Variants in GREP1 observed in about 807,000 individuals in gnomAD.
GREP1 encodes the protein glycine-rich extracellular protein 1.
intron 27 of GREP1, among the ~76,000 whole-genome samples, chr16:2,999,606 C>T (rs2072447932): frequency 6.6e-6 from 1 of 151,892 alleles, no homozygotes; most frequent in Non-Finnish European, 1.5e-5. Context: ...GCACGCACCA[C>T]CATACCTGGC....
At chr16:3,000,849 T>C (rs1231735663) in intron 33 of GREP1, 22 bp downstream of exon 27, 1 of 398,012 alleles carries the variant, frequency 2.5e-6, no homozygotes, top group Non-Finnish European at 4.4e-6. Flanking sequence ...CCTGGATGAG[T>C]GTGTTGGGGC....
At chr16:3,001,804 G>A (rs1276317453) in exon 35 of GREP1, 4 of 395,572 alleles carry the variant, frequency 1.0e-5, no homozygotes, top group Non-Finnish European at 1.8e-5. Flanking sequence ...AAACATCAAT[G>A]AGGCCATGTG....
intron 23 of GREP1, 99 bp from the exon 22 acceptor site, chr16:2,998,257 G>A: frequency 2.5e-6 from 1 of 398,466 alleles, no homozygotes; most frequent in Non-Finnish European, 4.4e-6. Context: ...CCTGCCAGGT[G>A]AAAAGACGGG....
chr16:2,992,730 G>T lies in GREP1; in HGVS notation c.323-75G>T. ...GCAGGGGTCACGCGAGACAGAAAGGGAGAGGGCAGGGCTCCAGGCCCCAGC... is the reference window on the plus strand; with the variant it reads ...GCAGGGGTCACGCGAGACAGAAAGGTAGAGGGCAGGGCTCCAGGCCCCAGC... On this transcript the variant is annotated intron_variant, in intron 8 of 34. Transcript: ENST00000573315. This position sits in a 1 kb window ranked among gnomAD's most constrained non-coding sequence, Gnocchi z 4.9. The T allele has an allele frequency of 2.5e-6, 1 of 398,974 alleles. No individual in the cohort carries two copies. Among genetic ancestry groups the T allele is most frequent in the South Asian group, 1.3e-4 (1 of 7,666 alleles). 24.7% of individuals were successfully genotyped at this position (398,974 alleles called of 1,614,324 possible). A position where few individuals can be genotyped will look rare whatever the true frequency, so the allele number is the denominator to read the frequency against.
At chr16:2,988,680 G>C in intron 2 of GREP1, 58 bp downstream of exon 2, 1 of 398,964 alleles carries the variant, frequency 2.5e-6, no homozygotes, top group Non-Finnish European at 4.4e-6. Flanking sequence ...CCTGCCCTGG[G>C]GGTGTGGGAG....
Position 2,989,154 on chromosome 16 carries a change from A to T in GREP1, c.101-369A>T. ...GAGAGGAGCCCAGTACTGAGAATGGATGGGAGAGGAGAGGAAGAGGGTGGA... is the reference window on the plus strand; with the variant it reads ...GAGAGGAGCCCAGTACTGAGAATGGTTGGGAGAGGAGAGGAAGAGGGTGGA... On this transcript the variant is annotated intron_variant, in intron 2 of 34. Transcript: ENST00000573315. The surrounding 1 kb of genome is among the most constrained non-coding windows in gnomAD (Gnocchi z 4.2). The T allele has an allele frequency of 3.4e-6, 1 of 290,104 alleles. No individual in the cohort carries two copies. The highest frequency in any genetic ancestry group is 5.2e-5 in the Admixed American group (1 of 19,168). The allele number at this position is 290,104 out of a possible 1,614,324, so 18.0% of individuals were successfully genotyped here. A position where few individuals can be genotyped will look rare whatever the true frequency, so the allele number is the denominator to read the frequency against.
At chr16:2,998,180 C>A (rs932722248) in intron 23 of GREP1, among the ~76,000 whole-genome samples, 176 bp from the exon 22 acceptor site, 1 of 152,062 alleles carries the variant, frequency 6.6e-6, no homozygotes, top group East Asian at 1.9e-4. Flanking sequence ...CAAGGTCCCC[C>A]ACTCCAACCC....
At chr16:2,996,213 G>A (rs541647758) in intron 18 of GREP1, among the ~76,000 whole-genome samples, 4 of 152,328 alleles carry the variant, frequency 2.6e-5, no homozygotes, top group East Asian at 3.9e-4. Flanking sequence ...GATGACAGGC[G>A]TGAGCCACCG....
chr16:2,990,656 G>A (rs1451357386), intron 7 of GREP1, 69 bp downstream of exon 6: 2 of 398,818 alleles, frequency 5.0e-6, no homozygotes, highest in Non-Finnish European at 8.8e-6. Flanking sequence ...CTGATACTGT[G>A]GGGGAGGGAA....
chr16:2,996,907 T>A (rs557615161), intron 20 of GREP1, 146 bp from the exon 20 acceptor site: 1 of 399,204 alleles, frequency 2.5e-6, no homozygotes, highest in Non-Finnish European at 4.4e-6. Context: ...TGTCCCCCAG[T>A]GGCTCAGCCT....
chr16:2,994,787 C>A lies in GREP1; in HGVS notation c.416-19C>A. 2.5e-6 allele frequency: 1 copy of A among 399,182 alleles called. No homozygotes were observed. 24.7% of individuals were successfully genotyped at this position (399,182 alleles called of 1,614,324 possible). ...GCTGGGGCCCCAGGTTCCTCACCTGCTCCCTGTCTCTCCACCAGGCTATGT... is the reference window on the plus strand; with the variant it reads ...GCTGGGGCCCCAGGTTCCTCACCTGATCCCTGTCTCTCCACCAGGCTATGT... On this transcript the variant is annotated intron_variant, in intron 11 of 34. Transcript: ENST00000573315.
chr16:2,990,159 A>C, intron 5 of GREP1, 37 bp downstream of exon 5: 1 of 398,938 alleles, frequency 2.5e-6, no homozygotes. Flanking sequence ...CCTCCCTCCC[A>C]GGCCTCAGAC....
At chr16:3,000,594 T>C (rs1039698072) in exon 32 of GREP1, 2 of 398,744 alleles carry the variant, frequency 5.0e-6, no homozygotes, top group African/African-American at 2.1e-5. Context: ...AAGCAGCAGC[T>C]CTAGCCCCTG....
At position 3,000,670 on chromosome 16, in the gene GREP1, G is replaced by C; in HGVS notation, c.1418-44G>C. 7.5e-6 allele frequency: 3 copies of C among 398,894 alleles called. No individual in the cohort carries two copies. In the East Asian group the frequency reaches 1.1e-4, roughly 14 times the overall value. 24.7% of individuals were successfully genotyped at this position (398,894 alleles called of 1,614,324 possible). A position where few individuals can be genotyped will look rare whatever the true frequency, so the allele number is the denominator to read the frequency against. On this transcript the variant is annotated intron_variant, in intron 32 of 34. Coordinates refer to ENST00000573315, the Ensembl canonical transcript of GREP1. ...AGCCCAACAGGGGCCAGGGGTCCCAGCTCCTGTGGGCAAGGGTACCCCTGC... is the reference window on the plus strand; with the variant it reads ...AGCCCAACAGGGGCCAGGGGTCCCACCTCCTGTGGGCAAGGGTACCCCTGC...
chr16:2,997,710 C>T, intron 22 of GREP1, 93 bp from the exon 21 acceptor site: 1 of 398,546 alleles, frequency 2.5e-6, no homozygotes, highest in Non-Finnish European at 4.4e-6. Context: ...GGGAGGTTGG[C>T]ATGGGCACCA....
rs1596461698 is a variant in GREP1 at position 2,992,938 on chromosome 16, AG to A, written c.365del (p.Gly122ValfsTer46). The A allele has an allele frequency of 2.5e-6, 1 of 398,972 alleles. No homozygotes were observed. Among genetic ancestry groups the A allele is most frequent in the South Asian group, 1.3e-4 (1 of 7,858 alleles). The allele number at this position is 398,972 out of a possible 1,614,324, so 24.7% of individuals were successfully genotyped here. The stretch of plus-strand genomic sequence containing the variant: ...CTCTCATCTTCCCCCCAGGCTTTGG[AG>A]GGGGTGGAAAACCCCAGAAGCCAGG... On this transcript the variant is annotated frameshift_variant, in exon 10 of 35. Transcript: ENST00000573315. LOFTEE classifies it high-confidence loss of function. The surrounding 1 kb of genome is among the most constrained non-coding windows in gnomAD (Gnocchi z 4.9).
At chr16:2,994,662 G>A (rs986741545) in intron 10 of GREP1, 36 bp from the exon 12 acceptor site, 7 of 398,968 alleles carry the variant, frequency 1.8e-5, no homozygotes, top group African/African-American at 1.4e-4. Context: ...GGCATCCAGG[G>A]CTCCGGAGGG....
At position 2,990,073 on chromosome 16, in the gene GREP1, A is replaced by T; in HGVS notation, c.164-14A>T. On this transcript the variant is annotated splice_polypyrimidine_tract_variant and intron_variant, in intron 4 of 34. Transcript: ENST00000573315. ...TCTCTCACACTCCTCACCTCACCTCATCTGTCTCTCCAGGATTCGTGGTCA... is the reference window on the plus strand; with the variant it reads ...TCTCTCACACTCCTCACCTCACCTCTTCTGTCTCTCCAGGATTCGTGGTCA... 2.5e-6 allele frequency: 1 copy of T among 399,082 alleles called. No homozygotes were observed. The highest frequency in any genetic ancestry group is 4.4e-6 in the Non-Finnish European group (1 of 226,182). 24.7% of individuals were successfully genotyped at this position (399,082 alleles called of 1,614,324 possible).
chr16:3,000,252 C>T, intron 29 of GREP1, 134 bp downstream of exon 26: 1 of 399,480 alleles, frequency 2.5e-6, no homozygotes. Context: ...CCCTGTTCCA[C>T]TAGCCTGTCC....
Sources: gnomAD v4.1 joint callset for allele counts (sites outside exome capture counted in the v4.1 genomes callset) on GRCh38, gnomAD v4.1.1 for gene constraint, Gnocchi (gnomAD v3.1) non-coding constraint, MANE v1.5 for transcripts, NCBI Gene and HGNC (gene_info 2026-07-23, HGNC 2026-07-21) for gene names.